The following CACNA1B variants were observed in gnomAD, a reference collection of about 807,000 sequenced individuals.
CACNA1B encodes voltage-dependent N-type calcium channel subunit alpha-1B.
CACNA1B carries 70 observed loss-of-function variants against 247.2 expected under a neutral mutation model. The observed-to-expected ratio is 0.28, with a 90% CI of 0.23 to 0.35. The LOEUF (loss-of-function observed/expected upper bound fraction) is 0.35. Among genes scored for constraint, CACNA1B ranks in the 10% least tolerant of loss-of-function variants. CACNA1B has a pLI of 1.00. For missense variants in CACNA1B, 2,367 were observed against 3,197.4 expected (o/e 0.74, Z 6.26); for synonymous variants, 1,231 against 1,294.4 (o/e 0.95, Z 1.05).
chr9:137,949,209 A>G (rs1404851124), intron 6 of CACNA1B, among the ~76,000 whole-genome samples: 21 of 17,118 alleles, frequency 1.2e-3, no homozygotes, highest in African/African-American at 1.8e-3. Context: ...TGTGTCTGGT[A>G]TGTGTGGTGT....
At chr9:137,900,381 T>C (rs1353567703) in intron 3 of CACNA1B, among the ~76,000 whole-genome samples, 1 of 152,146 alleles carries the variant, frequency 6.6e-6, no homozygotes, top group African/African-American at 2.4e-5. Context: ...GGTGCCAGAG[T>C]GAGGGCGGGT....
At position 138,123,474 on chromosome 9, in the gene CACNA1B, G is replaced by A. The variant is rs1589143205; in HGVS notation, c.*1475G>A. The A allele has an allele frequency of 6.6e-6, 1 of 152,414 alleles. No individual in the cohort carries two copies. Among genetic ancestry groups the A allele is most frequent in the Non-Finnish European group, 1.5e-5 (1 of 68,174 alleles). 9.4% of individuals were successfully genotyped at this position (152,414 alleles called of 1,614,324 possible). A position where few individuals can be genotyped will look rare whatever the true frequency, so the allele number is the denominator to read the frequency against. On this transcript the variant is annotated 3_prime_UTR_variant, in exon 47 of 47. Coordinates refer to ENST00000371372, the MANE Select transcript of CACNA1B (RefSeq NM_000718.4). ...AGCATTTAGAGCAGTTGATGGTGGT[G>A]TGTCCTCCGTGTTCTGAAATTCCAG...
At chr9:138,103,150 C>G (rs927763724) in intron 38 of CACNA1B, among the ~76,000 whole-genome samples, 1 of 152,202 alleles carries the variant, frequency 6.6e-6, no homozygotes, top group Admixed American at 6.5e-5. Context: ...GGACAGACCA[C>G]TTGTTTGACA....
intron 6 of CACNA1B, among the ~76,000 whole-genome samples, chr9:137,942,734 C>T (rs139012806): frequency 0.011 from 1,654 of 152,298 alleles, 37 homozygotes; most frequent in African/African-American, 0.037. Flanking sequence ...AACCGAACGT[C>T]GTATGTTCTC....
rs375421829 is a variant in CACNA1B, at chr9:138,009,284, T to G, written c.2093-726T>G. Among the ~76,000 whole-genome samples, 39 of 152,316 alleles carry G rather than the reference T, an allele frequency of 2.6e-4. No individual in the cohort carries two copies. In the South Asian group the frequency reaches 8.1e-3, roughly 32 times the overall value. On this transcript the variant is annotated intron_variant, in intron 16 of 46. Coordinates refer to ENST00000371372, the MANE Select transcript of CACNA1B (RefSeq NM_000718.4). The stretch of plus-strand genomic sequence containing the variant: ...CTCACACTGGGTCCTGGGAGGTCAG[T>G]TGAGGCAAGGTGCAGTCCCAGGAAC...
rs185845543 is a variant in CACNA1B, at chr9:138,055,497, C to T, written c.3968+1491C>T. Among the ~76,000 whole-genome samples the T allele has an allele frequency of 5.9e-5, 9 of 152,136 alleles. No individual in the cohort carries two copies. In the East Asian group the frequency reaches 1.5e-3, roughly 26 times the overall value. On this transcript the variant is annotated intron_variant, in intron 26 of 46. Coordinates refer to ENST00000371372, the MANE Select transcript of CACNA1B (RefSeq NM_000718.4). ...CTTTTATGCTGAGTACTCTTTATATCCTGTTTAAGAAATCTATCCCAAGGC... is the reference window on the plus strand; with the variant it reads ...CTTTTATGCTGAGTACTCTTTATATTCTGTTTAAGAAATCTATCCCAAGGC...
Position 138,058,350 on chromosome 9 carries a change from C to G in CACNA1B, c.4308+100C>G. The G allele has an allele frequency of 9.2e-7, 1 of 1,083,632 alleles. No individual in the cohort carries two copies. Among genetic ancestry groups the G allele is most frequent in the Middle Eastern group, 2.1e-4 (1 of 4,754 alleles). 67.1% of individuals were successfully genotyped at this position (1,083,632 alleles called of 1,614,324 possible). On this transcript the variant is annotated intron_variant, in intron 28 of 46. Transcript: ENST00000371372. This position sits in a 1 kb window ranked among gnomAD's most constrained non-coding sequence, Gnocchi z 4.7. ...TCACTCACAGCTGGGTCAGCTTTGG[C>G]TGCCACCGTCTGCCAACACAGGGGC... is the stretch of plus-strand genomic sequence containing the variant.
intron 43 of CACNA1B, 146 bp from the exon 44 acceptor site, chr9:138,118,506 G>A (rs1180783332): frequency 1.7e-6 from 1 of 577,752 alleles, no homozygotes; most frequent in South Asian, 2.1e-5. Flanking sequence ...GACTGGGGTG[G>A]GGGACGTGTG....
In CACNA1B at chr9:138,114,507, A is replaced by C. The variant is rs759671310; in HGVS notation, c.5649+17A>C. 2 of 1,372,540 alleles carry C rather than the reference A, an allele frequency of 1.5e-6. No individual in the cohort carries two copies. Among genetic ancestry groups the C allele is most frequent in the African/African-American group, 2.8e-5 (2 of 70,260 alleles). 85.0% of individuals were successfully genotyped at this position (1,372,540 alleles called of 1,614,324 possible). ...CTCTCCCAGGTAGCTGGCGGCCCTC[A>C]GTTTTCCAGGAAAACTGTGATGCCT... is the stretch of plus-strand genomic sequence containing the variant. On this transcript the variant is annotated intron_variant, in intron 41 of 46. Coordinates refer to ENST00000371372, the MANE Select transcript of CACNA1B (RefSeq NM_000718.4).
Position 138,012,797 on chromosome 9 carries a change from CAG to C in CACNA1B, c.2161-329_2161-328del, listed in dbSNP as rs1018858372. ...GTGGCTGGGTACCTGGGTTAGAGCTCAGAGTAAGGTCAGGATAGCACAGAGGT... is the reference window on the plus strand; with the variant it reads ...GTGGCTGGGTACCTGGGTTAGAGCTCAGTAAGGTCAGGATAGCACAGAGGT... On this transcript the variant is annotated intron_variant, in intron 17 of 46. Coordinates refer to ENST00000371372, the MANE Select transcript of CACNA1B (RefSeq NM_000718.4). This position sits in a 1 kb window ranked among gnomAD's most constrained non-coding sequence, Gnocchi z 4.2. Among the ~76,000 whole-genome samples, 5 of 151,752 alleles carry C rather than the reference CAG, an allele frequency of 3.3e-5. No homozygotes were observed. The highest frequency in any genetic ancestry group is 1.2e-4 in the African/African-American group (5 of 41,306).
At chr9:138,035,782 C>G (rs1325595666) in intron 20 of CACNA1B, among the ~76,000 whole-genome samples, 1 of 152,106 alleles carries the variant, frequency 6.6e-6, no homozygotes, top group Non-Finnish European at 1.5e-5. Flanking sequence ...AATATTCTTT[C>G]TCCAATTTAT....
rs755883813 is a variant in CACNA1B, at chr9:138,052,230, G to T, written c.3807+42G>T. The T allele has an allele frequency of 4.8e-6, 5 of 1,032,944 alleles. No individual in the cohort carries two copies. The highest frequency in any genetic ancestry group is 2.1e-4 in the Middle Eastern group (1 of 4,868). The allele number at this position is 1,032,944 out of a possible 1,614,324, so 64.0% of individuals were successfully genotyped here. ...GGGGCTTGAGGGATGTGCTGTGTGT[G>T]TGTGCGTGTGTGTGTGTGCGTGTGT... is the stretch of plus-strand genomic sequence containing the variant. On this transcript the variant is annotated intron_variant, in intron 25 of 46. Transcript: ENST00000371372. This position sits in a 1 kb window ranked among gnomAD's most constrained non-coding sequence, Gnocchi z 5.1.
At chr9:137,918,348 C>T (rs1284022906) in intron 6 of CACNA1B, among the ~76,000 whole-genome samples, 2 of 152,084 alleles carry the variant, frequency 1.3e-5, no homozygotes, top group Non-Finnish European at 2.9e-5. Context: ...CTGTCTGTCC[C>T]CTCTGTGAGT....
At chr9:137,946,704 C>T (rs1438188895) in intron 6 of CACNA1B, among the ~76,000 whole-genome samples, 1 of 152,136 alleles carries the variant, frequency 6.6e-6, no homozygotes, top group Non-Finnish European at 1.5e-5. Flanking sequence ...GTAGAGTGGC[C>T]CCAGCCAGAG....
At position 137,917,461 on chromosome 9, in the gene CACNA1B, G is replaced by A. The variant is rs767871902; in HGVS notation, c.966+30G>A. On this transcript the variant is annotated intron_variant, in intron 6 of 46. Coordinates refer to ENST00000371372, the MANE Select transcript of CACNA1B (RefSeq NM_000718.4). This position sits in a 1 kb window ranked among gnomAD's most constrained non-coding sequence, Gnocchi z 5.5. ...GTGGCGTCTTGGCCCTGGGCCTGAG[G>A]GCAGGCCCTGGACCTCCTGAGCTGG... is the stretch of plus-strand genomic sequence containing the variant. The A allele has an allele frequency of 3.8e-6, 6 of 1,589,608 alleles. No individual in the cohort carries two copies. The African/African-American group carries it at 8.0e-5, about 21-fold the overall frequency.
At chr9:138,082,262 C>G (rs1162786153) in intron 36 of CACNA1B, among the ~76,000 whole-genome samples, 1 of 151,334 alleles carries the variant, frequency 6.6e-6, no homozygotes. Flanking sequence ...GGGTTAATAT[C>G]AGAATTGTTG....
At chr9:138,111,544 T>C (rs569781428) in intron 39 of CACNA1B, among the ~76,000 whole-genome samples, 35 of 152,344 alleles carry the variant, frequency 2.3e-4, no homozygotes, top group African/African-American at 7.7e-4. Context: ...TGATCAGCTG[T>C]TGCACACCTT....
Position 137,917,228 on chromosome 9 carries a change from C to T in CACNA1B, c.776-13C>T. On this transcript the variant is annotated splice_polypyrimidine_tract_variant and intron_variant, in intron 5 of 46. Coordinates refer to ENST00000371372, the MANE Select transcript of CACNA1B (RefSeq NM_000718.4). The surrounding 1 kb of genome is among the most constrained non-coding windows in gnomAD (Gnocchi z 5.5). ...TTCTGAGCTCAGGGTCTGCTTCATT[C>T]TCCTTCTTGCAGATGCGGAGCCCGT... The T allele has an allele frequency of 1.2e-6, 2 of 1,606,934 alleles. No individual in the cohort carries two copies. The highest frequency in any genetic ancestry group is 1.7e-6 in the Non-Finnish European group (2 of 1,176,276).
In CACNA1B at chr9:138,012,713, CT is replaced by C. The variant is rs1958739835; in HGVS notation, c.2161-415del. Among the ~76,000 whole-genome samples, 1 of 145,470 alleles carries C rather than the reference CT, an allele frequency of 6.9e-6. No homozygotes were observed. The highest frequency in any genetic ancestry group is 1.5e-5 in the Non-Finnish European group (1 of 66,676). ...TGGGTGACAGAGCGAGACCCTGTCT[CT>C]AAAAAAAAAAAAAACAAATAACAAA... On this transcript the variant is annotated intron_variant, in intron 17 of 46. Transcript: ENST00000371372. This position sits in a 1 kb window ranked among gnomAD's most constrained non-coding sequence, Gnocchi z 4.2.
Sources: allele counts gnomAD v4.1 joint callset (sites outside exome capture counted in the v4.1 genomes callset), GRCh38; gene constraint gnomAD v4.1.1; non-coding constraint Gnocchi (gnomAD v3.1); transcripts MANE v1.5; gene names NCBI Gene and HGNC (gene_info 2026-07-23, HGNC 2026-07-21).